Variants in PLEKHB2 observed in about 807,000 individuals in gnomAD.
The protein encoded by PLEKHB2 is pleckstrin homology domain-containing family B member 2.
Under a neutral mutation model 36.5 loss-of-function variants are expected in PLEKHB2, and 31 were observed. The ratio of observed to expected loss-of-function variants is 0.85; its 90% confidence interval spans 0.64 to 1.15. The LOEUF (loss-of-function observed/expected upper bound fraction) is 1.15. PLEKHB2 is among the 50% of genes most tolerant of loss of function. PLEKHB2 has a pLI of 0.00. For synonymous variants in PLEKHB2, 119 were observed against 112.0 expected, an observed-to-expected ratio of 1.06 and a Z score of -0.39; for missense variants, 262 against 295.3, an observed-to-expected ratio of 0.89 and a Z score of 0.83.
chr2:131,135,205 G>A (rs1054890554), intron 6 of PLEKHB2, among the ~76,000 whole-genome samples: 2 of 151,904 alleles, frequency 1.3e-5, no homozygotes, highest in African/African-American at 4.8e-5. Flanking sequence ...CTGAGTAGCC[G>A]GGATTACAGG....
At chr2:131,110,473 T>A (rs1695188979) in intron 1 of PLEKHB2, among the ~76,000 whole-genome samples, 1 of 152,152 alleles carries the variant, frequency 6.6e-6, no homozygotes, top group Non-Finnish European at 1.5e-5. Context: ...CCTTCTGGGC[T>A]CAAGCGATCT....
chr2:131,140,381 T>C (rs1698666585), intron 7 of PLEKHB2, 106 bp downstream of exon 7: 1 of 625,850 alleles, frequency 1.6e-6, no homozygotes, highest in African/African-American at 1.8e-5. Flanking sequence ...ATGAGCTATA[T>C]TTTCTGGTTG....
At chr2:131,130,204 C>T (rs1400804410) in intron 4 of PLEKHB2, among the ~76,000 whole-genome samples, 7 of 151,972 alleles carry the variant, frequency 4.6e-5, no homozygotes, top group Admixed American at 2.6e-4. Flanking sequence ...CCACCATGCC[C>T]GGCTAATGTT....
Position 131,125,804 on chromosome 2 carries a change from G to T in PLEKHB2, c.89G>T (p.Gly30Val), listed in dbSNP as rs773120266. 6.2e-7 allele frequency: 1 copy of T among 1,613,478 alleles called. No homozygotes were observed. The highest frequency in any genetic ancestry group is 1.1e-5 in the South Asian group (1 of 91,058). Residue 30 changes from glycine to valine, a missense_variant, in exon 3 of 8, where the codon GGT (glycine) becomes GTT (valine). By Grantham distance (109) the Gly-to-Val change is moderately radical. Coordinates refer to ENST00000693505, the MANE Select transcript of PLEKHB2 (RefSeq NM_001100623.2). Reference sequence around the variant, plus strand: ...AACTGGTTTGATCTGTGGTCGGATGGTCACCTGATCTATTATGATGACCAG... The same window carrying T: ...AACTGGTTTGATCTGTGGTCGGATGTTCACCTGATCTATTATGATGACCAG... ...KKNWFDLWSD[G>V]HLIYYDDQTR...
rs145575908 is a variant in PLEKHB2, at chr2:131,106,660, G to T, written c.-9+1262G>T. 3.4e-3 allele frequency among the ~76,000 whole-genome samples: 515 copies of T among 152,218 alleles called. 2 individuals carry two copies. Among genetic ancestry groups the T allele is most frequent in the South Asian group, 0.015 (70 of 4,816 alleles). ...GAAAGTTCCTAACCCTGGGCTGGTT[G>T]GCTGGATATTGATAGGACTGGAGCT... On this transcript the variant is annotated intron_variant, in intron 1 of 7. Coordinates refer to ENST00000693505, the MANE Select transcript of PLEKHB2 (RefSeq NM_001100623.2).
intron 1 of PLEKHB2, among the ~76,000 whole-genome samples, chr2:131,106,143 G>A (rs1694704916): frequency 6.6e-6 from 1 of 152,146 alleles, no homozygotes; most frequent in Non-Finnish European, 1.5e-5. Context: ...AGGGATCCCC[G>A]CCCCGCCACC....
chr2:131,113,453 G>T (rs1043060161), intron 1 of PLEKHB2, among the ~76,000 whole-genome samples: 2 of 152,174 alleles, frequency 1.3e-5, no homozygotes, highest in Non-Finnish European at 2.9e-5. Flanking sequence ...TATGTTGATT[G>T]TTGTGACGTG....
At chr2:131,115,339 G>GTTT (rs1695748455) in intron 1 of PLEKHB2, among the ~76,000 whole-genome samples, 1 of 105,758 alleles carries the variant, frequency 9.5e-6, no homozygotes, top group Non-Finnish European at 1.9e-5. Flanking sequence ...CAGAAAGTAT[G>GTTT]TCTTTTTTTT....
At chr2:131,113,509 C>A (rs1015198916) in intron 1 of PLEKHB2, among the ~76,000 whole-genome samples, 1 of 152,120 alleles carries the variant, frequency 6.6e-6, no homozygotes, top group Non-Finnish European at 1.5e-5. Context: ...ACTGATGATA[C>A]TTGCTCTGTA....
At chr2:131,143,293 AT>A (rs1698972083) in intron 7 of PLEKHB2, among the ~76,000 whole-genome samples, 1 of 152,206 alleles carries the variant, frequency 6.6e-6, no homozygotes, top group Non-Finnish European at 1.5e-5. Flanking sequence ...AGGCATAGAC[AT>A]TTTTGACGGT....
At chr2:131,140,302 C>T (rs1431327270) in intron 7 of PLEKHB2, 27 bp downstream of exon 7, 2 of 1,197,878 alleles carry the variant, frequency 1.7e-6, no homozygotes, top group Middle Eastern at 1.9e-4. Context: ...TTTCATTCCT[C>T]ATTTCTCTCC....
chr2:131,124,783 G>GT (rs1474673749), intron 2 of PLEKHB2, among the ~76,000 whole-genome samples: 2 of 151,514 alleles, frequency 1.3e-5, no homozygotes, highest in Admixed American at 1.3e-4. Context: ...AAAAAAACGT[G>GT]TTTTTTCTTT....
intron 3 of PLEKHB2, 33 bp from the exon 4 acceptor site, chr2:131,126,651 A>G: frequency 7.8e-7 from 1 of 1,284,198 alleles, no homozygotes; most frequent in Non-Finnish European, 1.1e-6. Flanking sequence ...GAAATCCTGA[A>G]AAAAGTTCCT....
At chr2:131,105,947 T>C (rs1694677970) in intron 1 of PLEKHB2, among the ~76,000 whole-genome samples, 1 of 152,106 alleles carries the variant, frequency 6.6e-6, no homozygotes, top group South Asian at 2.1e-4. Flanking sequence ...CTCCCCTCCT[T>C]AAGTCCCGGG....
chr2:131,111,765 A>G (rs914290659), intron 1 of PLEKHB2, among the ~76,000 whole-genome samples: 24 of 152,178 alleles, frequency 1.6e-4, no homozygotes, highest in African/African-American at 5.5e-4. Flanking sequence ...TGTTGGGATT[A>G]TAGGCGTGAG....
chr2:131,121,724 A>G (rs1002981532), intron 2 of PLEKHB2, among the ~76,000 whole-genome samples: 3 of 152,124 alleles, frequency 2.0e-5, no homozygotes, highest in African/African-American at 7.2e-5. Flanking sequence ...ATCTGAGGCA[A>G]TGAGTTCATC....
intron 5 of PLEKHB2, among the ~76,000 whole-genome samples, 182 bp downstream of exon 5, chr2:131,130,942 C>T (rs1369764892): frequency 4.6e-5 from 7 of 152,132 alleles, no homozygotes; most frequent in Admixed American, 1.3e-4. Flanking sequence ...CATGCTACCA[C>T]GCCCAGCTTA....
chr2:131,111,633 G>A (rs1314079243), intron 1 of PLEKHB2, among the ~76,000 whole-genome samples: 1 of 151,032 alleles, frequency 6.6e-6, no homozygotes, highest in Non-Finnish European at 1.5e-5. Context: ...TGGGACTACA[G>A]GAGCCTGCCA....
intron 1 of PLEKHB2, among the ~76,000 whole-genome samples, chr2:131,110,898 A>G (rs1695244963): frequency 6.6e-6 from 1 of 152,090 alleles, no homozygotes; most frequent in Admixed American, 6.5e-5. Flanking sequence ...CTGGACAGTC[A>G]TTGGATCTTT....
Sources: gnomAD v4.1 joint callset for allele counts (sites outside exome capture counted in the v4.1 genomes callset) on GRCh38, gnomAD v4.1.1 for gene constraint, MANE v1.5 for transcripts, NCBI Gene and HGNC (gene_info 2026-07-23, HGNC 2026-07-21) for gene names.